ARIH1: variants seen among roughly 807,000 people sequenced by gnomAD.
The protein encoded by ARIH1 is E3 ubiquitin-protein ligase ARIH1.
A neutral mutation model predicts 85.0 loss-of-function variants in ARIH1; 8 were observed. That is an observed-to-expected ratio of 0.09 (90% confidence interval 0.06 to 0.17). ARIH1 has a LOEUF of 0.17. ARIH1 is among the 10% of genes least tolerant of loss of function. ARIH1 has a pLI of 1.00. For synonymous variants in ARIH1, 238 were observed against 253.6 expected, an observed-to-expected ratio of 0.94 and a Z score of 0.59; for missense variants, 311 against 718.1, an observed-to-expected ratio of 0.43 and a Z score of 6.48.
intron 1 of ARIH1, chr15:72,475,249 C>A: frequency 1.1e-6 from 1 of 886,434 alleles, no homozygotes; most frequent in Non-Finnish European, 1.5e-6. Context: ...CCTGCTATGG[C>A]GGAGGCCTTC....
At chr15:72,578,713 G>C (rs886213873) in intron 11 of ARIH1, among the ~76,000 whole-genome samples, 2 of 151,990 alleles carry the variant, frequency 1.3e-5, no homozygotes, top group African/African-American at 4.8e-5. Context: ...TGTTGTTCAA[G>C]GGTCAACTGT....
chr15:72,506,089 C>T (rs1256685811), intron 1 of ARIH1, among the ~76,000 whole-genome samples: 1 of 151,950 alleles, frequency 6.6e-6, no homozygotes, highest in East Asian at 2.0e-4. Flanking sequence ...TGGCTCACGC[C>T]TATAATACCA....
In ARIH1 at chr15:72,566,723, T is replaced by C. The variant is rs957573146; in HGVS notation, c.954+118T>C. 5 of 858,706 alleles carry C rather than the reference T, an allele frequency of 5.8e-6. No homozygotes were observed. In the African/African-American group the frequency reaches 6.8e-5, roughly 12 times the overall value. The allele number at this position is 858,706 out of a possible 1,614,324, so 53.2% of individuals were successfully genotyped here. On this transcript the variant is annotated intron_variant, in intron 8 of 13. Coordinates refer to ENST00000379887, the MANE Select transcript of ARIH1 (RefSeq NM_005744.5). Reference sequence around the variant, plus strand: ...ATTGATAGATTTTTTTTTATCCTTTTAATTTCAGATGATCATTACATGTAT... The same window carrying C: ...ATTGATAGATTTTTTTTTATCCTTTCAATTTCAGATGATCATTACATGTAT...
intron 1 of ARIH1, among the ~76,000 whole-genome samples, chr15:72,496,618 A>C (rs1027895132): frequency 2.6e-5 from 4 of 152,242 alleles, no homozygotes; most frequent in African/African-American, 9.6e-5. Context: ...GGATATATGC[A>C]TGGGATGGTT....
At chr15:72,480,322 C>T (rs1165929116) in intron 1 of ARIH1, among the ~76,000 whole-genome samples, 3 of 150,830 alleles carry the variant, frequency 2.0e-5, no homozygotes, top group Non-Finnish European at 4.4e-5. Flanking sequence ...AGTGCAGTGG[C>T]CTGATCTTGG....
chr15:72,583,120 A>G, intron 13 of ARIH1, 88 bp from the exon 14 acceptor site: 7 of 1,022,168 alleles, frequency 6.8e-6, no homozygotes, highest in South Asian at 1.4e-5. Context: ...TGGATAAACT[A>G]TAGGGATGCC....
Position 72,599,876 on chromosome 15 carries a change from A to ATCT in ARIH1, c.*16584_*16585insTCT, listed in dbSNP as rs2064376306. 2.6e-5 allele frequency: 4 copies of ATCT among 152,168 alleles called. No homozygotes were observed. The highest frequency in any genetic ancestry group is 2.6e-4 in the Admixed American group (4 of 15,280). 9.4% of individuals were successfully genotyped at this position (152,168 alleles called of 1,614,324 possible). ...CCACATTCACCATTGATTGCTATTG[A>ATCT]GTATATCTGTAGCATCAAGAATAGG... On this transcript the variant is annotated 3_prime_UTR_variant, in exon 14 of 14. Transcript: ENST00000379887.
In ARIH1 at chr15:72,587,794, A is replaced by G. The variant is rs1378607188; in HGVS notation, c.*4502A>G. 1 of 152,308 alleles carries G rather than the reference A, an allele frequency of 6.6e-6. No homozygotes were observed. Among genetic ancestry groups the G allele is most frequent in the African/African-American group, 2.4e-5 (1 of 41,454 alleles). 9.4% of individuals were successfully genotyped at this position (152,308 alleles called of 1,614,324 possible). On this transcript the variant is annotated 3_prime_UTR_variant, in exon 14 of 14. Transcript: ENST00000379887. ...AAATACTCAGTTGGATATCAATCAAATAGTGCCTACCAGGGGAGTAAACAG... is the reference window on the plus strand; with the variant it reads ...AAATACTCAGTTGGATATCAATCAAGTAGTGCCTACCAGGGGAGTAAACAG...
In ARIH1 at chr15:72,598,805, C is replaced by A. The variant is rs909509539; in HGVS notation, c.*15513C>A. 1 of 151,798 alleles carries A rather than the reference C, an allele frequency of 6.6e-6. No homozygotes were observed. Among genetic ancestry groups the A allele is most frequent in the African/African-American group, 2.4e-5 (1 of 41,330 alleles). 9.4% of individuals were successfully genotyped at this position (151,798 alleles called of 1,614,324 possible). On this transcript the variant is annotated 3_prime_UTR_variant, in exon 14 of 14. Transcript: ENST00000379887. ...TGATCATAGCTCACTGCTGGCTTGA[C>A]CTTCTGGGCTCAAGTGATCCTCTTG...
chr15:72,571,042 T>C (rs2064242430), intron 10 of ARIH1, among the ~76,000 whole-genome samples: 2 of 137,310 alleles, frequency 1.5e-5, no homozygotes, highest in African/African-American at 2.8e-5. Flanking sequence ...GGCAGGAGAA[T>C]CACTTGAACT....
At chr15:72,540,598 T>C (rs2577576) in intron 2 of ARIH1, among the ~76,000 whole-genome samples, 1,949 of 152,258 alleles carry the variant, frequency 0.013, 35 homozygotes, top group African/African-American at 0.044. Flanking sequence ...TTCCCACTCA[T>C]ATTTCATTTA....
At chr15:72,475,679 C>G (rs1050322942) in intron 1 of ARIH1, among the ~76,000 whole-genome samples, 10 of 152,186 alleles carry the variant, frequency 6.6e-5, no homozygotes, top group Admixed American at 5.9e-4. Flanking sequence ...TAGCAGATGA[C>G]TTGCTTGAAG....
chr15:72,488,545 A>C (rs1031078576), intron 1 of ARIH1, among the ~76,000 whole-genome samples: 1 of 152,186 alleles, frequency 6.6e-6, no homozygotes, highest in Admixed American at 6.5e-5. Context: ...GTTATGATAT[A>C]GCTATCCCTA....
chr15:72,491,646 T>G (rs1040734619), intron 1 of ARIH1, among the ~76,000 whole-genome samples: 3 of 152,242 alleles, frequency 2.0e-5, no homozygotes, highest in African/African-American at 7.2e-5. Flanking sequence ...ACATTTCTCT[T>G]CTACCAAATT....
chr15:72,479,739 C>A (rs1042623465), intron 1 of ARIH1, among the ~76,000 whole-genome samples: 1 of 151,800 alleles, frequency 6.6e-6, no homozygotes, highest in Admixed American at 6.6e-5. Flanking sequence ...AATATCTAAG[C>A]CTTACTGAAG....
chr15:72,523,835 A>G (rs2140413975), intron 2 of ARIH1, among the ~76,000 whole-genome samples: 1 of 151,872 alleles, frequency 6.6e-6, no homozygotes, highest in East Asian at 1.9e-4. Flanking sequence ...TAAAGGGGGA[A>G]ATAAACCGTT....
chr15:72,491,081 A>G (rs2063857266), intron 1 of ARIH1, among the ~76,000 whole-genome samples: 1 of 152,212 alleles, frequency 6.6e-6, no homozygotes, highest in Non-Finnish European at 1.5e-5. Context: ...GTGCCACTGC[A>G]CTCCAGGCTG....
At chr15:72,557,729 G>A (rs2064180544) in intron 5 of ARIH1, among the ~76,000 whole-genome samples, 1 of 152,174 alleles carries the variant, frequency 6.6e-6, no homozygotes, top group African/African-American at 2.4e-5. Flanking sequence ...TGTATATGGT[G>A]AAAGATATAG....
chr15:72,520,991 G>GC (rs1181485119), intron 2 of ARIH1, among the ~76,000 whole-genome samples: 1 of 151,762 alleles, frequency 6.6e-6, no homozygotes, highest in Non-Finnish European at 1.5e-5. Flanking sequence ...CCACAGGCAC[G>GC]CATCACCATA....
Sources: gnomAD v4.1 joint callset for allele counts (sites outside exome capture counted in the v4.1 genomes callset) on GRCh38, gnomAD v4.1.1 for gene constraint, MANE v1.5 for transcripts, NCBI Gene and HGNC (gene_info 2026-07-23, HGNC 2026-07-21) for gene names.